CAMK1D: variants seen among roughly 807,000 people sequenced by gnomAD.
CAMK1D encodes the protein calcium/calmodulin dependent protein kinase ID.
A neutral mutation model predicts 47.7 loss-of-function variants in CAMK1D; 9 were observed. The observed-to-expected ratio is 0.19, with a 90% CI of 0.11 to 0.33. The LOEUF is 0.33. Ranked by LOEUF, CAMK1D falls within the 10% of genes least tolerant of loss-of-function variation. The pLI is 1.00. For missense variants in CAMK1D, 291 were observed against 488.7 expected (o/e 0.60, Z 3.81); for synonymous variants, 184 against 184.9 (o/e 0.99, Z 0.04).
chr10:12,627,402 A>G (rs1403975030), intron 2 of CAMK1D, among the ~76,000 whole-genome samples: 1 of 152,134 alleles, frequency 6.6e-6, no homozygotes, highest in Non-Finnish European at 1.5e-5. Flanking sequence ...TATAATTTAT[A>G]TATAATAAAA....
At chr10:12,540,785 C>T (rs2815638) in intron 1 of CAMK1D, among the ~76,000 whole-genome samples, 71,709 of 152,032 alleles carry the variant, frequency 0.47, 17,714 homozygotes, top group East Asian at 0.8. Flanking sequence ...AAGATGAGAA[C>T]GTTTCAGTAA....
chr10:12,745,938 A>G (rs1283133489), intron 3 of CAMK1D, among the ~76,000 whole-genome samples: 1 of 152,148 alleles, frequency 6.6e-6, no homozygotes, highest in East Asian at 1.9e-4. Flanking sequence ...AGAATACCAC[A>G]ACTCAAGAAC....
intron 1 of CAMK1D, among the ~76,000 whole-genome samples, chr10:12,509,841 A>G (rs1186530459): frequency 2.0e-5 from 3 of 152,240 alleles, no homozygotes; most frequent in Non-Finnish European, 4.4e-5. Context: ...GCAATTTCTC[A>G]GTTCACCCAG....
chr10:12,767,146 A>G (rs1836802192), intron 4 of CAMK1D, among the ~76,000 whole-genome samples: 1 of 152,140 alleles, frequency 6.6e-6, no homozygotes. Flanking sequence ...ACCCAAAAAT[A>G]CCTGAGACAG....
chr10:12,801,325 C>CTA (rs1554827605), intron 6 of CAMK1D, among the ~76,000 whole-genome samples: 32 of 114,926 alleles, frequency 2.8e-4, no homozygotes, highest in African/African-American at 1.2e-3. Context: ...ATCTATCTAT[C>CTA]TATCTATCTA....
chr10:12,652,628 G>A (rs576170543), intron 2 of CAMK1D, among the ~76,000 whole-genome samples: 2 of 152,130 alleles, frequency 1.3e-5, no homozygotes, highest in South Asian at 4.1e-4. Flanking sequence ...GAATAGTAAC[G>A]AGTTTATTAG....
chr10:12,692,538 C>T (rs1314827959), intron 3 of CAMK1D, among the ~76,000 whole-genome samples: 2 of 152,052 alleles, frequency 1.3e-5, no homozygotes, highest in African/African-American at 4.8e-5. Flanking sequence ...TTGCAAAACC[C>T]TTTCTAAGCA....
At chr10:12,530,014 A>G (rs1390978646) in intron 1 of CAMK1D, among the ~76,000 whole-genome samples, 2 of 152,254 alleles carry the variant, frequency 1.3e-5, no homozygotes, top group African/African-American at 4.8e-5. Flanking sequence ...CATTTAGCCA[A>G]CTGGCAACCC....
intron 3 of CAMK1D, among the ~76,000 whole-genome samples, chr10:12,719,047 AAT>A (rs1423227654): frequency 2.6e-5 from 4 of 152,216 alleles, no homozygotes; most frequent in Non-Finnish European, 5.9e-5. Context: ...ATCAAAAAGA[AAT>A]AGAGACAAGG....
intron 2 of CAMK1D, among the ~76,000 whole-genome samples, chr10:12,570,094 G>A (rs1016410170): frequency 3.9e-5 from 6 of 152,058 alleles, no homozygotes; most frequent in Non-Finnish European, 8.8e-5. Flanking sequence ...CAGCTACTCC[G>A]GAGGCTGAGG....
At chr10:12,367,915 A>G (rs1458792194) in intron 1 of CAMK1D, among the ~76,000 whole-genome samples, 1 of 152,180 alleles carries the variant, frequency 6.6e-6, no homozygotes, top group African/African-American at 2.4e-5. Context: ...GTCTTTGGCC[A>G]GGCGCAGTGG....
intron 1 of CAMK1D, among the ~76,000 whole-genome samples, chr10:12,528,891 G>A (rs187946595): frequency 6.3e-4 from 96 of 152,116 alleles, no homozygotes; most frequent in African/African-American, 2.3e-3. Context: ...ACAGGTGCAT[G>A]CCGTTACACC....
At chr10:12,667,067 C>T (rs1272313582) in intron 3 of CAMK1D, 2 of 397,034 alleles carry the variant, frequency 5.0e-6, no homozygotes, top group Admixed American at 8.0e-5. Context: ...TGTGACCTTC[C>T]TGTTGCAGGG....
intron 6 of CAMK1D, among the ~76,000 whole-genome samples, chr10:12,795,938 C>T (rs1018616227): frequency 8.5e-5 from 13 of 152,134 alleles, no homozygotes; most frequent in African/African-American, 2.7e-4. Context: ...TTGTGATAAG[C>T]GTGTTGGTGT....
chr10:12,470,354 T>G (rs537686011), intron 1 of CAMK1D, among the ~76,000 whole-genome samples: 7 of 152,338 alleles, frequency 4.6e-5, no homozygotes, highest in African/African-American at 1.7e-4. Flanking sequence ...TTTTTATGTA[T>G]TTTCCAGACC....
At chr10:12,797,594 A>T (rs1838251010) in intron 6 of CAMK1D, among the ~76,000 whole-genome samples, 1 of 152,012 alleles carries the variant, frequency 6.6e-6, no homozygotes, top group Non-Finnish European at 1.5e-5. Flanking sequence ...TCACTCCAGC[A>T]TCGTAGTTTG....
At chr10:12,401,785 T>C (rs1009846410) in intron 1 of CAMK1D, among the ~76,000 whole-genome samples, 1 of 151,532 alleles carries the variant, frequency 6.6e-6, no homozygotes. Context: ...ACACAGAGGA[T>C]GGATGAATGA....
intron 3 of CAMK1D, among the ~76,000 whole-genome samples, chr10:12,672,959 C>T (rs1421000000): frequency 3.7e-5 from 5 of 134,668 alleles, no homozygotes; most frequent in South Asian, 2.5e-4. Context: ...TGCAGTGGCA[C>T]GATATTGGCT....
intron 7 of CAMK1D, among the ~76,000 whole-genome samples, chr10:12,814,884 C>T (rs578258825): frequency 4.6e-5 from 7 of 152,306 alleles, no homozygotes; most frequent in South Asian, 4.1e-4. Context: ...GCTCGAGCCA[C>T]GCTGAGAGAT....
Sources: allele counts gnomAD v4.1 joint callset (sites outside exome capture counted in the v4.1 genomes callset), GRCh38; gene constraint gnomAD v4.1.1; transcripts MANE v1.5; gene names NCBI Gene and HGNC (gene_info 2026-07-23, HGNC 2026-07-21).